ROBO1: variants seen among roughly 807,000 people sequenced by gnomAD.
ROBO1 encodes the protein roundabout guidance receptor 1.
ROBO1 carries 149 observed loss-of-function variants against 195.9 expected under a neutral mutation model. The ratio of observed to expected loss-of-function variants is 0.76; its 90% confidence interval spans 0.67 to 0.87. ROBO1 has a LOEUF of 0.87. ROBO1 is among the 40% of genes least tolerant of loss of function. The pLI, the probability that ROBO1 is intolerant of heterozygous loss-of-function variation, is 0.00. For missense variants in ROBO1, 1,933 were observed against 2,068.3 expected, an observed-to-expected ratio of 0.93 and a Z score of 1.27; for synonymous variants, 816 against 733.2, an observed-to-expected ratio of 1.11 and a Z score of -1.82.
intron 1 of ROBO1, among the ~76,000 whole-genome samples, chr3:79,621,610 CA>C (rs1560045908): frequency 6.6e-6 from 1 of 152,116 alleles, no homozygotes; most frequent in Admixed American, 6.6e-5. Flanking sequence ...GTTTTATTTT[CA>C]GTCTTTTTCT....
chr3:78,651,836 A>G lies in ROBO1; in HGVS notation c.2708T>C (p.Ile903Thr), dbSNP rs746294354. ...GAGGATGATCCAACAGGCTGCTCCAATACCTGCTATGAAGGCCGGCTGCTT... is the reference window on the plus strand; with the variant it reads ...GAGGATGATCCAACAGGCTGCTCCAGTACCTGCTATGAAGGCCGGCTGCTT... ...VVKQPAFIAG[I>T]GAACWIILMV... is the part of the protein sequence containing the mutation. Residue 903 changes from isoleucine (I) to threonine (T), a missense_variant, in exon 19 of 31, where the codon ATT becomes ACT. By Grantham distance (89) the Ile-to-Thr change is moderately conservative (BLOSUM62 -1). Transcript: ENST00000464233. 3.7e-5 allele frequency: 60 copies of G among 1,613,742 alleles called. No individual in the cohort carries two copies. Among genetic ancestry groups the G allele is most frequent in the South Asian group, 2.6e-4 (24 of 91,084 alleles).
intron 4 of ROBO1, among the ~76,000 whole-genome samples, chr3:78,789,691 G>C (rs1056517019): frequency 1.3e-5 from 2 of 152,024 alleles, no homozygotes; most frequent in African/African-American, 4.8e-5. Context: ...AGAGAACACG[G>C]GGCGACTCTC....
At chr3:79,233,876 C>T (rs1576851050) in intron 2 of ROBO1, among the ~76,000 whole-genome samples, 1 of 151,960 alleles carries the variant, frequency 6.6e-6, no homozygotes, top group African/African-American at 2.4e-5. Flanking sequence ...AATAATAGCC[C>T]TTCTGACTGG....
At chr3:79,189,856 C>A (rs959618202) in intron 2 of ROBO1, among the ~76,000 whole-genome samples, 4 of 151,570 alleles carry the variant, frequency 2.6e-5, no homozygotes, top group Admixed American at 2.6e-4. Context: ...AGAGCAAATA[C>A]ATGATATAGA....
intron 1 of ROBO1, among the ~76,000 whole-genome samples, chr3:79,762,566 A>C (rs1704761470): frequency 6.6e-6 from 1 of 150,672 alleles, no homozygotes; most frequent in Non-Finnish European, 1.5e-5. Flanking sequence ...ACATCGCTAA[A>C]AAAATAAGAA....
At chr3:79,192,452 G>A (rs2081556839) in intron 2 of ROBO1, among the ~76,000 whole-genome samples, 1 of 151,646 alleles carries the variant, frequency 6.6e-6, no homozygotes, top group Admixed American at 6.6e-5. Flanking sequence ...AAAATTAGGG[G>A]TAATTTAGAT....
intron 2 of ROBO1, among the ~76,000 whole-genome samples, chr3:79,384,179 C>T (rs556483193): frequency 2.6e-5 from 4 of 151,942 alleles, no homozygotes; most frequent in South Asian, 4.1e-4. Context: ...ATATCTTATA[C>T]TTTTATTATT....
intron 2 of ROBO1, among the ~76,000 whole-genome samples, chr3:79,150,279 T>A (rs909285733): frequency 7.3e-5 from 11 of 151,712 alleles, no homozygotes; most frequent in African/African-American, 2.7e-4. Flanking sequence ...TACTTGTTAT[T>A]AGGATATAAT....
intron 5 of ROBO1, among the ~76,000 whole-genome samples, chr3:78,718,194 T>TA (rs1341135416): frequency 4.6e-5 from 7 of 152,102 alleles, no homozygotes; most frequent in Non-Finnish European, 8.8e-5. Flanking sequence ...TGAAAAACCA[T>TA]AAAAAATTGC....
chr3:79,336,837 G>A (rs2034691632), intron 2 of ROBO1, among the ~76,000 whole-genome samples: 1 of 152,354 alleles, frequency 6.6e-6, no homozygotes, highest in South Asian at 2.1e-4. Flanking sequence ...CAAAGCCACA[G>A]AGTGGAGCTG....
intron 2 of ROBO1, among the ~76,000 whole-genome samples, chr3:79,536,772 T>C (rs1941882288): frequency 6.6e-6 from 1 of 152,192 alleles, no homozygotes; most frequent in Non-Finnish European, 1.5e-5. Flanking sequence ...AACTGTAGAC[T>C]AGTGGAAAAA....
At chr3:78,722,502 A>C (rs1373476741) in intron 5 of ROBO1, among the ~76,000 whole-genome samples, 1 of 152,154 alleles carries the variant, frequency 6.6e-6, no homozygotes, top group East Asian at 1.9e-4. Context: ...AGGCCTGAAA[A>C]ATATAACATT....
At chr3:78,701,378 C>T (rs1043554074) in intron 8 of ROBO1, among the ~76,000 whole-genome samples, 15 of 152,206 alleles carry the variant, frequency 9.9e-5, no homozygotes, top group Admixed American at 3.9e-4. Context: ...CAGCCAATTC[C>T]GTGCCTGAAA....
chr3:79,238,968 G>A (rs368017276), intron 2 of ROBO1, among the ~76,000 whole-genome samples: 18 of 152,272 alleles, frequency 1.2e-4, no homozygotes, highest in African/African-American at 4.1e-4. Flanking sequence ...TAGTCATGTA[G>A]AAGTCAGTTC....
At chr3:78,730,878 T>C (rs546174217) in intron 5 of ROBO1, among the ~76,000 whole-genome samples, 4 of 152,174 alleles carry the variant, frequency 2.6e-5, no homozygotes, top group Non-Finnish European at 5.9e-5. Flanking sequence ...AATTCTTCAA[T>C]GTGAGGAAGA....
chr3:78,719,890 G>T (rs184271522), intron 5 of ROBO1, among the ~76,000 whole-genome samples: 28 of 152,100 alleles, frequency 1.8e-4, no homozygotes, highest in African/African-American at 6.7e-4. Flanking sequence ...ATTCTTAAAG[G>T]TATACCCAAC....
At chr3:78,750,758 G>A (rs2082773059) in intron 4 of ROBO1, among the ~76,000 whole-genome samples, 1 of 152,124 alleles carries the variant, frequency 6.6e-6, no homozygotes, top group Admixed American at 6.5e-5. Flanking sequence ...CAGTCTTTAA[G>A]TGCATTGAGG....
chr3:79,230,641 T>C (rs2082301794), intron 2 of ROBO1, among the ~76,000 whole-genome samples: 1 of 152,026 alleles, frequency 6.6e-6, no homozygotes, highest in Non-Finnish European at 1.5e-5. Flanking sequence ...AATCCCATGC[T>C]CATGGATAGG....
intron 1 of ROBO1, among the ~76,000 whole-genome samples, chr3:79,595,360 A>G (rs1236810269): frequency 1.3e-5 from 2 of 152,050 alleles, no homozygotes; most frequent in Non-Finnish European, 2.9e-5. Flanking sequence ...CATTTCTTTG[A>G]GCACGAATTT....
Sources: allele counts gnomAD v4.1 joint callset (sites outside exome capture counted in the v4.1 genomes callset), GRCh38; gene constraint gnomAD v4.1.1; transcripts MANE v1.5; gene names NCBI Gene and HGNC (gene_info 2026-07-23, HGNC 2026-07-21).